The following CFAP74 variants were observed in gnomAD, a reference collection of about 807,000 sequenced individuals.
CFAP74 encodes the protein cilia and flagella associated protein 74.
CFAP74 carries 124 observed loss-of-function variants against 188.9 expected under a neutral mutation model. That is an observed-to-expected ratio of 0.66 (90% confidence interval 0.57 to 0.76). The LOEUF (loss-of-function observed/expected upper bound fraction) is 0.76, where lower values mean the gene tolerates loss of function less well. CFAP74 is among the 30% of genes least tolerant of loss of function. The pLI is 0.00. For missense variants in CFAP74, 2,198 were observed against 2,165.2 expected (o/e 1.02, Z -0.30); for synonymous variants, 956 against 916.7 (o/e 1.04, Z -0.77).
intron 22 of CFAP74, 77 bp downstream of exon 22, chr1:1,941,951 G>A: frequency 7.4e-7 from 1 of 1,354,348 alleles, no homozygotes; most frequent in African/African-American, 1.5e-5. Context: ...ACAGAGGAGT[G>A]GCCAGTGGCG....
Position 1,926,528 on chromosome 1 carries a change from G to C in CFAP74, c.3773-16C>G. The stretch of plus-strand genomic sequence containing the variant: ...CTGCGGTGCCCTGAAATGGGGCAGG[G>C]AGCGTCAGGCCCCAGCCCCAGGCCC... On this transcript the variant is annotated splice_polypyrimidine_tract_variant and intron_variant, in intron 30 of 38. Coordinates refer to ENST00000682832, the MANE Select transcript of CFAP74 (RefSeq NM_001304360.2). 6.5e-7 allele frequency: 1 copy of C among 1,550,040 alleles called. No individual in the cohort carries two copies. The highest frequency in any genetic ancestry group is 1.2e-5 in the South Asian group (1 of 84,056).
At chr1:1,982,204 C>G (rs1656936789) in intron 6 of CFAP74, among the ~76,000 whole-genome samples, 1 of 149,658 alleles carries the variant, frequency 6.7e-6, no homozygotes, top group Admixed American at 6.6e-5. Flanking sequence ...GCAGGACACC[C>G]AGCCGTGGTC....
chr1:1,966,905 C>T (rs1309186272), intron 11 of CFAP74, among the ~76,000 whole-genome samples: 1 of 150,876 alleles, frequency 6.6e-6, no homozygotes, highest in Non-Finnish European at 1.5e-5. Context: ...AGCGCGATCT[C>T]AGCTCACTGC....
chr1:1,995,417 G>A (rs1171492774), intron 1 of CFAP74, among the ~76,000 whole-genome samples: 1 of 151,712 alleles, frequency 6.6e-6, no homozygotes, highest in African/African-American at 2.4e-5. Flanking sequence ...GTTTGAACCC[G>A]GGAGGCGGAG....
chr1:2,003,452 G>T (rs1209317224), intron 1 of CFAP74, among the ~76,000 whole-genome samples: 1 of 152,172 alleles, frequency 6.6e-6, no homozygotes, highest in African/African-American at 2.4e-5. Flanking sequence ...TAATGTTTTT[G>T]TAAATGTGTT....
At chr1:1,989,061 T>C in intron 2 of CFAP74, 88 bp from the exon 3 acceptor site, 1 of 640,094 alleles carries the variant, frequency 1.6e-6, no homozygotes, top group Non-Finnish European at 2.6e-6. Context: ...TTTCTTTTTT[T>C]GGGACAGGGT....
At position 1,970,823 on chromosome 1, in the gene CFAP74, A is replaced by C. The variant is rs368572618; in HGVS notation, c.889-7T>G. 8.7e-6 allele frequency: 14 copies of C among 1,613,698 alleles called. No individual in the cohort carries two copies. The African/African-American group carries it at 1.7e-4, about 20-fold the overall frequency. On this transcript the variant is annotated splice_region_variant and splice_polypyrimidine_tract_variant and intron_variant, in intron 9 of 38. Coordinates refer to ENST00000682832, the MANE Select transcript of CFAP74 (RefSeq NM_001304360.2). ...GGAACTTCCGCAGTGTGTCCTTGGA[A>C]ACAGAGAGCACTGAGATGACAGCAG...
chr1:1,993,858 T>C (rs1300900437), intron 1 of CFAP74, among the ~76,000 whole-genome samples: 2 of 150,778 alleles, frequency 1.3e-5, no homozygotes, highest in African/African-American at 4.9e-5. Flanking sequence ...GGCGGGCGCC[T>C]ATAGTCCCAG....
Position 1,922,968 on chromosome 1 carries a change from G to A in CFAP74, c.4683+17C>T, listed in dbSNP as rs1373037967. On this transcript the variant is annotated intron_variant, in intron 37 of 38. Coordinates refer to ENST00000682832, the MANE Select transcript of CFAP74 (RefSeq NM_001304360.2). ...GAGGGGGCTGCCTGGTGTCCCCAGGGGCAGTGCTGTGGGCACCTTCTTTGG... is the reference window on the plus strand; with the variant it reads ...GAGGGGGCTGCCTGGTGTCCCCAGGAGCAGTGCTGTGGGCACCTTCTTTGG... The A allele has an allele frequency of 6.4e-7, 1 of 1,562,838 alleles. No homozygotes were observed.
chr1:1,924,437 C>A lies in CFAP74; in HGVS notation c.4188G>T (p.Gln1396His), dbSNP rs764634119. Residue 1396 changes from glutamine to histidine, a missense_variant, in exon 34 of 39, where the codon CAG (glutamine) becomes CAT (histidine). Physicochemically the swap from Gln to His is conservative, Grantham distance 24. Coordinates refer to ENST00000682832, the MANE Select transcript of CFAP74 (RefSeq NM_001304360.2). ...LSSTRGRGQQ[Q>H]LPQFLSSPSQ... is the part of the protein sequence containing the mutation. Reference sequence around the variant, plus strand: ...AGGGCGAGCTGAGGAACTGCGGCAGCTGCTGCTGGCCCCGGCCCCGGGTGC... The same window carrying A: ...AGGGCGAGCTGAGGAACTGCGGCAGATGCTGCTGGCCCCGGCCCCGGGTGC... The A allele has an allele frequency of 4.8e-6, 7 of 1,461,308 alleles. No homozygotes were observed. Among genetic ancestry groups the A allele is most frequent in the Non-Finnish European group, 4.6e-6 (5 of 1,095,032 alleles). The allele number at this position is 1,461,308 out of a possible 1,614,324, so 90.5% of individuals were successfully genotyped here.
At chr1:1,994,355 A>G (rs1201990803) in intron 1 of CFAP74, among the ~76,000 whole-genome samples, 1 of 152,192 alleles carries the variant, frequency 6.6e-6, no homozygotes, top group African/African-American at 2.4e-5. Flanking sequence ...ACTGTGTTTC[A>G]TTGCTTAACT....
intron 5 of CFAP74, among the ~76,000 whole-genome samples, chr1:1,986,692 C>T (rs557959042): frequency 5.4e-4 from 82 of 152,234 alleles, no homozygotes; most frequent in Non-Finnish European, 9.3e-4. Flanking sequence ...CAAGAGTGGC[C>T]CAAGAGGCCT....
chr1:2,000,467 C>T (rs1314592997), intron 1 of CFAP74, among the ~76,000 whole-genome samples: 1 of 152,222 alleles, frequency 6.6e-6, no homozygotes, highest in Non-Finnish European at 1.5e-5. Flanking sequence ...AAAATCCCAC[C>T]TGTTGTGTTA....
rs553627764 is a variant in CFAP74, at chr1:1,963,741, C to A, written c.1694+8G>T. 6.3e-7 allele frequency: 1 copy of A among 1,593,238 alleles called. No homozygotes were observed. The highest frequency in any genetic ancestry group is 8.6e-7 in the Non-Finnish European group (1 of 1,161,766). The stretch of plus-strand genomic sequence containing the variant: ...CCGCGTCCCTCCCTGTCTGAGCCGT[C>A]CTCTTACTCAACGTGGATGAAGTCC... On this transcript the variant is annotated splice_region_variant and intron_variant, in intron 14 of 38. Transcript: ENST00000682832.
intron 4 of CFAP74, among the ~76,000 whole-genome samples, chr1:1,987,601 G>A (rs1215232092): frequency 6.6e-6 from 1 of 151,832 alleles, no homozygotes; most frequent in Admixed American, 6.6e-5. Context: ...GAGTGCAGTG[G>A]CGCGATCTCG....
At chr1:1,949,104 T>TCATTC (rs1313657925) in intron 18 of CFAP74, among the ~76,000 whole-genome samples, 6 of 124,848 alleles carry the variant, frequency 4.8e-5, no homozygotes, top group Non-Finnish European at 8.3e-5. Context: ...CTCCTTTCCT[T>TCATTC]CCTTCCTTTC....
rs1653440228 is a variant in CFAP74 at position 1,942,340 on chromosome 1, G to A, written c.2487-184C>T. On this transcript the variant is annotated intron_variant, in intron 21 of 38. Coordinates refer to ENST00000682832, the MANE Select transcript of CFAP74 (RefSeq NM_001304360.2). The surrounding 1 kb of genome is among the most constrained non-coding windows in gnomAD (Gnocchi z 4.3). Reference sequence around the variant, plus strand: ...GTCCTCAAAGCCCTGCTTTGTAAGGGCTGTTTTTTCTGAAATGAAATCTGA... The same window carrying A: ...GTCCTCAAAGCCCTGCTTTGTAAGGACTGTTTTTTCTGAAATGAAATCTGA... Among the ~76,000 whole-genome samples, 1 of 152,188 alleles carries A rather than the reference G, an allele frequency of 6.6e-6. No individual in the cohort carries two copies.
intron 6 of CFAP74, among the ~76,000 whole-genome samples, chr1:1,976,855 C>CT (rs147484570): frequency 0.11 from 16,604 of 146,966 alleles, 1,591 homozygotes; most frequent in African/African-American, 0.25. Flanking sequence ...AACCTCTTTT[C>CT]TTTTTTTTTT....
At chr1:1,971,939 G>C (rs1656109834) in intron 9 of CFAP74, 41 bp downstream of exon 9, 1 of 1,504,398 alleles carries the variant, frequency 6.6e-7, no homozygotes, top group African/African-American at 1.4e-5. Flanking sequence ...GACCCCGGCA[G>C]GGCGCCAAGG....
Sources: allele counts gnomAD v4.1 joint callset (sites outside exome capture counted in the v4.1 genomes callset), GRCh38; gene constraint gnomAD v4.1.1; non-coding constraint Gnocchi (gnomAD v3.1); transcripts MANE v1.5; gene names NCBI Gene and HGNC (gene_info 2026-07-23, HGNC 2026-07-21).